SLC24A2: variants seen among roughly 807,000 people sequenced by gnomAD.
The protein encoded by SLC24A2 is solute carrier family 24 member 2.
Under a neutral mutation model 62.0 loss-of-function variants are expected in SLC24A2, and 36 were observed. That is an observed-to-expected ratio of 0.58 (90% confidence interval 0.44 to 0.77). SLC24A2 has a LOEUF of 0.77. SLC24A2 is among the 30% of genes least tolerant of loss of function. The probability of loss-of-function intolerance (pLI) is 0.00; values close to 1 mark genes in which losing one functional copy is unlikely to be tolerated. For missense variants in SLC24A2, 846 were observed against 817.9 expected (o/e 1.03, Z -0.42); for synonymous variants, 358 against 294.0 (o/e 1.22, Z -2.23).
chr9:20,069,869 T>C, the SLC24A2 span, among the ~76,000 whole-genome samples: 4 of 152,208 alleles, frequency 2.6e-5, no homozygotes, highest in East Asian at 5.8e-4. Flanking sequence ...ATCATTCATG[T>C]CCCTTCTATT....
At chr9:20,062,339 G>T in the SLC24A2 span, among the ~76,000 whole-genome samples, 16 of 150,636 alleles carry the variant, frequency 1.1e-4, no homozygotes, top group African/African-American at 2.9e-4. Flanking sequence ...ATAATGCCGC[G>T]TATCTACAAC....
the SLC24A2 span, among the ~76,000 whole-genome samples, chr9:19,850,994 T>C: frequency 1.9e-4 from 9 of 48,350 alleles, no homozygotes; most frequent in African/African-American, 2.8e-4. Context: ...TGTATATATA[T>C]ATATATACAC....
intron 2 of SLC24A2, among the ~76,000 whole-genome samples, chr9:19,760,800 T>C (rs1300964141): frequency 6.6e-6 from 1 of 151,700 alleles, no homozygotes; most frequent in Non-Finnish European, 1.5e-5. Flanking sequence ...CAAATGTTTG[T>C]TCTATCGCAA....
chr9:19,542,312 T>C (rs1240831230), intron 8 of SLC24A2, among the ~76,000 whole-genome samples: 2 of 152,254 alleles, frequency 1.3e-5, no homozygotes, highest in Non-Finnish European at 1.5e-5. Flanking sequence ...GGTGCTGAAG[T>C]TGCTTATCAG....
At chr9:20,086,482 T>A in the SLC24A2 span, among the ~76,000 whole-genome samples, 2 of 152,200 alleles carry the variant, frequency 1.3e-5, no homozygotes, top group Non-Finnish European at 2.9e-5. Context: ...CTGATCTTGT[T>A]ATAGTGGCCT....
intron 2 of SLC24A2, among the ~76,000 whole-genome samples, chr9:19,736,997 T>C (rs1821530064): frequency 6.6e-6 from 1 of 152,150 alleles, no homozygotes; most frequent in Admixed American, 6.5e-5. Flanking sequence ...TCTGCAAATA[T>C]AGTGGGAAAT....
At chr9:19,713,005 T>C (rs1257328744) in intron 2 of SLC24A2, among the ~76,000 whole-genome samples, 6 of 152,172 alleles carry the variant, frequency 3.9e-5, no homozygotes, top group African/African-American at 1.4e-4. Flanking sequence ...TCACTTAATT[T>C]AGTTCTGTAC....
At chr9:19,717,038 A>T (rs1298807705) in intron 2 of SLC24A2, among the ~76,000 whole-genome samples, 2 of 152,166 alleles carry the variant, frequency 1.3e-5, no homozygotes, top group Admixed American at 6.5e-5. Flanking sequence ...GCTGTTTGTG[A>T]TCTGATATCT....
At chr9:19,772,197 C>T (rs551677403) in intron 2 of SLC24A2, among the ~76,000 whole-genome samples, 1 of 152,274 alleles carries the variant, frequency 6.6e-6, no homozygotes, top group South Asian at 2.1e-4. Context: ...TTTGCATTCC[C>T]AGGTTCTCTA....
the SLC24A2 span, among the ~76,000 whole-genome samples, chr9:19,939,280 G>T: frequency 6.6e-6 from 1 of 152,210 alleles, no homozygotes. Context: ...GAACATCATG[G>T]AGTATACTTA....
At chr9:19,962,924 C>A in the SLC24A2 span, among the ~76,000 whole-genome samples, 1 of 152,136 alleles carries the variant, frequency 6.6e-6, no homozygotes, top group Non-Finnish European at 1.5e-5. Context: ...AGAGGGCATC[C>A]CTGTCTTGTG....
At chr9:20,081,627 A>T in the SLC24A2 span, among the ~76,000 whole-genome samples, 2 of 151,754 alleles carry the variant, frequency 1.3e-5, no homozygotes, top group African/African-American at 2.4e-5. Context: ...TTTAAAGTAT[A>T]ATAATAATAA....
At chr9:19,907,776 A>G in the SLC24A2 span, among the ~76,000 whole-genome samples, 13 of 152,356 alleles carry the variant, frequency 8.5e-5, no homozygotes, top group Admixed American at 7.2e-4. Flanking sequence ...CCAACTTACA[A>G]GGGATTTGAA....
At chr9:20,266,778 G>A in the SLC24A2 span, among the ~76,000 whole-genome samples, 1 of 152,202 alleles carries the variant, frequency 6.6e-6, no homozygotes, top group African/African-American at 2.4e-5. Flanking sequence ...GAGCAGTACT[G>A]TAATTAAAAG....
At chr9:20,073,933 T>TAA in the SLC24A2 span, among the ~76,000 whole-genome samples, 1 of 147,956 alleles carries the variant, frequency 6.8e-6, no homozygotes, top group African/African-American at 2.5e-5. Flanking sequence ...TATATATATA[T>TAA]ATATATATGT....
chr9:19,621,251 G>C (rs1262822391), intron 3 of SLC24A2, among the ~76,000 whole-genome samples: 1 of 152,190 alleles, frequency 6.6e-6, no homozygotes, highest in East Asian at 1.9e-4. Flanking sequence ...CAATTCAATA[G>C]GGATGGAAAA....
At chr9:20,179,146 G>T in the SLC24A2 span, among the ~76,000 whole-genome samples, 1 of 152,122 alleles carries the variant, frequency 6.6e-6, no homozygotes, top group Non-Finnish European at 1.5e-5. Context: ...GGGGGCAGCT[G>T]GAAGAGAAGA....
the SLC24A2 span, among the ~76,000 whole-genome samples, chr9:19,797,274 C>A: frequency 6.6e-6 from 1 of 152,090 alleles, no homozygotes; most frequent in Admixed American, 6.5e-5. Context: ...AGTAGGTGTT[C>A]GATAAGTATC....
chr9:20,110,153 T>C, the SLC24A2 span, among the ~76,000 whole-genome samples: 1 of 152,122 alleles, frequency 6.6e-6, no homozygotes, highest in South Asian at 2.1e-4. Flanking sequence ...AATTTAAGGC[T>C]TCAACTGGCT....
Sources: allele counts gnomAD v4.1 joint callset (sites outside exome capture counted in the v4.1 genomes callset), GRCh38; gene constraint gnomAD v4.1.1; transcripts MANE v1.5; gene names NCBI Gene and HGNC (gene_info 2026-07-23, HGNC 2026-07-21).